ZNF90: variants seen among roughly 807,000 people sequenced by gnomAD.
ZNF90 encodes the protein zinc finger protein HTF9.
In ZNF90, 11 loss-of-function variants were observed where a neutral mutation model predicts 12.0. The observed-to-expected ratio is 0.92, with a 90% confidence interval of 0.58 to 1.52. The LOEUF (loss-of-function observed/expected upper bound fraction) is 1.52, where lower values mean the gene tolerates loss of function less well. Among genes scored for constraint, ZNF90 ranks in the 40% most tolerant of loss-of-function variants. The pLI is 0.00. For missense variants in ZNF90, 765 were observed against 711.5 expected (o/e 1.08, Z -0.86); for synonymous variants, 232 against 240.1 (o/e 0.97, Z 0.31).
chr19:20,085,405 G>A (rs893479714), intron 1 of ZNF90, among the ~76,000 whole-genome samples: 1 of 151,850 alleles, frequency 6.6e-6, no homozygotes, highest in African/African-American at 2.4e-5. Flanking sequence ...GACTACAGGT[G>A]CCTGCCACCG....
At chr19:20,080,308 A>G (rs1233778570) in intron 1 of ZNF90, 5 of 541,160 alleles carry the variant, frequency 9.2e-6, no homozygotes, top group Admixed American at 6.6e-5. Flanking sequence ...AACATGGACG[A>G]TCCTTGTTTT....
In ZNF90 at chr19:20,119,066, T is replaced by C; in HGVS notation, c.1512T>C (p.Ser504=). 1 of 1,611,796 alleles carries C rather than the reference T, an allele frequency of 6.2e-7. No homozygotes were observed. Among genetic ancestry groups the C allele is most frequent in the Non-Finnish European group, 8.5e-7 (1 of 1,178,900 alleles). ...SALSTHKIIH[S]GENPYKCEEC... Reference sequence around the variant, plus strand: ...TTAGCACACATAAGATAATTCACAGTGGAGAGAATCCCTACAAATGTGAAG... The same window carrying C: ...TTAGCACACATAAGATAATTCACAGCGGAGAGAATCCCTACAAATGTGAAG... The change falls in exon 4 of 4, where the codon AGT becomes AGC. Residue 504 remains serine, a synonymous_variant. Transcript: ENST00000418063.
chr19:20,111,952 A>G (rs892284120), intron 3 of ZNF90, among the ~76,000 whole-genome samples: 2 of 151,474 alleles, frequency 1.3e-5, no homozygotes, highest in Admixed American at 6.6e-5. Flanking sequence ...TCTGCCTCCC[A>G]GGTTCAAGTG....
At chr19:20,080,379 T>A (rs543486233) in intron 1 of ZNF90, 260 of 428,782 alleles carry the variant, frequency 6.1e-4, no homozygotes, top group Non-Finnish European at 1.1e-3. Flanking sequence ...GGCACCGTAT[T>A]TCTTCTTACC....
chr19:20,089,105 G>A (rs1358007795), intron 1 of ZNF90, among the ~76,000 whole-genome samples: 1 of 152,170 alleles, frequency 6.6e-6, no homozygotes, highest in African/African-American at 2.4e-5. Flanking sequence ...GCTGAAAGGG[G>A]TGTCTTGTAC....
At chr19:20,084,928 C>T (rs2088847023) in intron 1 of ZNF90, among the ~76,000 whole-genome samples, 1 of 152,134 alleles carries the variant, frequency 6.6e-6, no homozygotes, top group South Asian at 2.1e-4. Context: ...AAATGGGTCC[C>T]ATTGGTCAAT....
intron 1 of ZNF90, among the ~76,000 whole-genome samples, chr19:20,080,796 G>C (rs914622870): frequency 4.6e-5 from 7 of 152,144 alleles, no homozygotes; most frequent in African/African-American, 1.4e-4. Context: ...ACTGAAACGG[G>C]GTCTGTGCTG....
rs932800222 is a variant in ZNF90 at position 20,078,050 on chromosome 19, G to C, written c.-83G>C. On this transcript the variant is annotated 5_prime_UTR_variant, in exon 1 of 4. Coordinates refer to ENST00000418063, the MANE Select transcript of ZNF90 (RefSeq NM_007138.2). Reference sequence around the variant, plus strand: ...CTCCAAATCTGGTCTTAGCTGCTTCGTGTCTTCTTCTCCAGCCTCTGTGGC... The same window carrying C: ...CTCCAAATCTGGTCTTAGCTGCTTCCTGTCTTCTTCTCCAGCCTCTGTGGC... 25 of 1,588,024 alleles carry C rather than the reference G, an allele frequency of 1.6e-5. 1 individual carries two copies. The Admixed American group carries it at 3.2e-4, about 20-fold the overall frequency.
intron 1 of ZNF90, among the ~76,000 whole-genome samples, chr19:20,092,006 T>A (rs1313788615): frequency 6.6e-6 from 1 of 151,962 alleles, no homozygotes; most frequent in South Asian, 2.1e-4. Context: ...AAACCAAGTG[T>A]GATCAGGGTG....
In ZNF90 at chr19:20,120,773, C is replaced by T. The variant is rs1482440153; in HGVS notation, c.*1413C>T. 1.3e-5 allele frequency: 2 copies of T among 152,046 alleles called. No individual in the cohort carries two copies. The highest frequency in any genetic ancestry group is 4.8e-5 in the African/African-American group (2 of 41,414). 9.4% of individuals were successfully genotyped at this position (152,046 alleles called of 1,614,324 possible). On this transcript the variant is annotated 3_prime_UTR_variant, in exon 4 of 4. Transcript: ENST00000418063. The stretch of plus-strand genomic sequence containing the variant: ...AAGGTTTTTTGAAGCATTGTAATTA[C>T]ATTGAAAGTATACTTGCTTTCTTGA...
intron 1 of ZNF90, among the ~76,000 whole-genome samples, chr19:20,091,036 G>A (rs1555702669): frequency 6.6e-6 from 1 of 152,136 alleles, no homozygotes; most frequent in African/African-American, 2.4e-5. Context: ...ACTGTATAGA[G>A]GTGGGAAGGC....
At chr19:20,099,926 T>TAAGA (rs2088976435) in intron 1 of ZNF90, among the ~76,000 whole-genome samples, 1 of 152,176 alleles carries the variant, frequency 6.6e-6, no homozygotes, top group African/African-American at 2.4e-5. Context: ...AGAGTATTAT[T>TAAGA]GGCTGTACAG....
At chr19:20,114,741 T>C (rs1344867525) in intron 3 of ZNF90, among the ~76,000 whole-genome samples, 2 of 152,220 alleles carry the variant, frequency 1.3e-5, no homozygotes, top group Non-Finnish European at 2.9e-5. Flanking sequence ...GAGAAGGCTG[T>C]GTATCCTGAT....
rs187977719 is a variant in ZNF90 at position 20,089,654 on chromosome 19, C to T, written c.3+11519C>T. ...AGGAGAAAGGTTTTTTAAATAAGTGCGAAGGAGGGCGGCAGCTTGCTGATG... is the reference window on the plus strand; with the variant it reads ...AGGAGAAAGGTTTTTTAAATAAGTGTGAAGGAGGGCGGCAGCTTGCTGATG... On this transcript the variant is annotated intron_variant, in intron 1 of 3. Transcript: ENST00000418063. Among the ~76,000 whole-genome samples the T allele has an allele frequency of 1.6e-4, 25 of 152,100 alleles. 1 individual carries two copies. The highest frequency in any genetic ancestry group is 7.7e-4 in the East Asian group (4 of 5,186).
chr19:20,084,017 A>G (rs1281064180), intron 1 of ZNF90, among the ~76,000 whole-genome samples: 1 of 152,112 alleles, frequency 6.6e-6, no homozygotes, highest in African/African-American at 2.4e-5. Flanking sequence ...TGGCCTCCCA[A>G]AATGCTGGGA....
chr19:20,114,823 C>A (rs2089122771), intron 3 of ZNF90, among the ~76,000 whole-genome samples: 1 of 142,134 alleles, frequency 7.0e-6, no homozygotes, highest in African/African-American at 3.1e-5. Context: ...CCCCTGTTCC[C>A]TTACTAATAT....
At chr19:20,101,024 C>T (rs1555703808) in intron 1 of ZNF90, among the ~76,000 whole-genome samples, 1 of 152,126 alleles carries the variant, frequency 6.6e-6, no homozygotes, top group Non-Finnish European at 1.5e-5. Flanking sequence ...AATCTTGCAA[C>T]TGCACACTCT....
chr19:20,093,001 C>T (rs578193065), intron 1 of ZNF90, among the ~76,000 whole-genome samples: 53 of 152,246 alleles, frequency 3.5e-4, no homozygotes, highest in Non-Finnish European at 5.9e-4. Flanking sequence ...GCAGCACAGC[C>T]CAGGTAAGCT....
At chr19:20,091,463 C>CAT (rs1346471812) in intron 1 of ZNF90, among the ~76,000 whole-genome samples, 1 of 152,142 alleles carries the variant, frequency 6.6e-6, no homozygotes, top group Non-Finnish European at 1.5e-5. Flanking sequence ...GTCTAAGAAC[C>CAT]ATTTGCCTTG....
Sources: gnomAD v4.1 joint callset for allele counts (sites outside exome capture counted in the v4.1 genomes callset) on GRCh38, gnomAD v4.1.1 for gene constraint, MANE v1.5 for transcripts, NCBI Gene and HGNC (gene_info 2026-07-23, HGNC 2026-07-21) for gene names.